The following DDX60 variants were observed in gnomAD, a reference collection of about 807,000 sequenced individuals.
The protein encoded by DDX60 is probable ATP-dependent RNA helicase DDX60.
Under a neutral mutation model 212.8 loss-of-function variants are expected in DDX60, and 165 were observed. The ratio of observed to expected loss-of-function variants is 0.78; its 90% CI spans 0.68 to 0.88. The LOEUF is 0.88. Among genes scored for constraint, DDX60 ranks in the 40% least tolerant of loss-of-function variants. The probability of loss-of-function intolerance (pLI) is 0.00; values close to 1 mark genes in which losing one functional copy is unlikely to be tolerated. For missense variants in DDX60, 1,905 were observed against 2,003.9 expected (o/e 0.95, Z 0.94); for synonymous variants, 703 against 685.3 (o/e 1.03, Z -0.40).
At position 168,237,914 on chromosome 4, in the gene DDX60, G is replaced by GA. The variant is rs1367964307; in HGVS notation, c.4165-120dup. The GA allele has an allele frequency of 1.5e-5, 10 of 678,394 alleles. No homozygotes were observed. The South Asian group carries it at 1.6e-4, about 11-fold the overall frequency. 42.0% of individuals were successfully genotyped at this position (678,394 alleles called of 1,614,324 possible). On this transcript the variant is annotated intron_variant, in intron 30 of 37. Transcript: ENST00000393743. Reference sequence around the variant, plus strand: ...CCACAAAGATATCAGAAATGTATCAGAAAAAATTTGATTTCATATTATTTT... The same window carrying GA: ...CCACAAAGATATCAGAAATGTATCAGAAAAAAATTTGATTTCATATTATTTT...
intron 37 of DDX60, among the ~76,000 whole-genome samples, chr4:168,217,724 G>A (rs1732898917): frequency 6.6e-6 from 1 of 152,122 alleles, no homozygotes; most frequent in Non-Finnish European, 1.5e-5. Flanking sequence ...GAATGATGCA[G>A]TGTGAGTCTA....
In DDX60 at chr4:168,291,647, G is replaced by A. The variant is rs114897701; in HGVS notation, c.1041+101C>T. 2,386 of 1,091,348 alleles carry A rather than the reference G, an allele frequency of 2.2e-3. 28 individuals carry two copies. In the African/African-American group the frequency reaches 0.026, roughly 12 times the overall value. 67.6% of individuals were successfully genotyped at this position (1,091,348 alleles called of 1,614,324 possible). ...CCATTAAACTTTTATAGCCCCCAAG[G>A]GGCTAATAGTAGTCCCACATAAGAG... On this transcript the variant is annotated intron_variant, in intron 8 of 37. Transcript: ENST00000393743.
rs1234021031 is a variant in DDX60, at chr4:168,255,886, T to C, written c.3399-17A>G. The C allele has an allele frequency of 7.0e-6, 11 of 1,567,076 alleles. No individual in the cohort carries two copies. The South Asian group carries it at 1.3e-4, about 19-fold the overall frequency. ...AACTTGAATCTGGAAATAAAAAGAATGTGCGCCTTGAAAATAACATCATAA... is the reference window on the plus strand; with the variant it reads ...AACTTGAATCTGGAAATAAAAAGAACGTGCGCCTTGAAAATAACATCATAA... On this transcript the variant is annotated splice_polypyrimidine_tract_variant and intron_variant, in intron 25 of 37. Coordinates refer to ENST00000393743, the MANE Select transcript of DDX60 (RefSeq NM_017631.6).
At chr4:168,218,346 A>G (rs1464991396) in intron 37 of DDX60, among the ~76,000 whole-genome samples, 1 of 152,118 alleles carries the variant, frequency 6.6e-6, no homozygotes, top group Non-Finnish European at 1.5e-5. Flanking sequence ...TGTTTCCTAT[A>G]CATCCTTAAC....
rs533425472 is a variant in DDX60, at chr4:168,306,494, T to C, written c.491A>G (p.His164Arg). 1.9e-6 allele frequency: 3 copies of C among 1,614,152 alleles called. No homozygotes were observed. Among genetic ancestry groups the C allele is most frequent in the Admixed American group, 3.3e-5 (2 of 60,012 alleles). The stretch of plus-strand genomic sequence containing the variant: ...AACGTTGACCTTCCTTGCCCAAGAA[T>C]GAATGATTAAAAAGTTGAAAAGCTG... ...QTQLFNFLII[H>R]SWARKVNVVL... is the part of the protein sequence containing the mutation. Residue 164 changes from histidine (H) to arginine (R), a missense_variant, in exon 5 of 38, where the codon CAT (histidine) becomes CGT (arginine). Physicochemically the swap from His to Arg is conservative, Grantham distance 29. Coordinates refer to ENST00000393743, the MANE Select transcript of DDX60 (RefSeq NM_017631.6).
intron 1 of DDX60, among the ~76,000 whole-genome samples, chr4:168,313,580 G>A (rs987463448): frequency 6.6e-6 from 1 of 152,136 alleles, no homozygotes; most frequent in Non-Finnish European, 1.5e-5. Flanking sequence ...GGAAAAAAAT[G>A]GGTCAGTGAG....
chr4:168,283,339 T>C (rs1735675477), intron 13 of DDX60, 107 bp downstream of exon 13: 1 of 916,010 alleles, frequency 1.1e-6, no homozygotes, highest in Non-Finnish European at 1.7e-6. Flanking sequence ...CATATAAATA[T>C]CAAGAAAAGG....
chr4:168,311,904 CT>C (rs1456729311), intron 1 of DDX60, among the ~76,000 whole-genome samples: 1 of 152,136 alleles, frequency 6.6e-6, no homozygotes, highest in African/African-American at 2.4e-5. Context: ...TTGTGATTGG[CT>C]TTGCACTTTG....
rs971522662 is a variant in DDX60 at position 168,310,270 on chromosome 4, C to G, written c.74+728G>C. ...GAGTGTCATAAGAACCTTTAAGGCTCATTACACACAGTAATCTATGGAAAG... is the reference window on the plus strand; with the variant it reads ...GAGTGTCATAAGAACCTTTAAGGCTGATTACACACAGTAATCTATGGAAAG... On this transcript the variant is annotated intron_variant, in intron 3 of 37. Coordinates refer to ENST00000393743, the MANE Select transcript of DDX60 (RefSeq NM_017631.6). Among the ~76,000 whole-genome samples the G allele has an allele frequency of 2.0e-5, 3 of 152,046 alleles. No individual in the cohort carries two copies. In the East Asian group the frequency reaches 5.8e-4, roughly 29 times the overall value.
Position 168,287,174 on chromosome 4 carries a change from T to C in DDX60, c.1213A>G (p.Met405Val). 6.2e-7 allele frequency: 1 copy of C among 1,609,834 alleles called. No individual in the cohort carries two copies. The highest frequency in any genetic ancestry group is 2.2e-5 in the East Asian group (1 of 44,616). The stretch of plus-strand genomic sequence containing the variant: ...TTCCAGAGATATTCATAATCTTTCA[T>C]AATGGTATCTCCCAAATTCAAATGT... The part of the protein sequence containing the change: ...GLHLNLGDTI[M>V]KDYEYLWNTV... The change falls in exon 10 of 38, where the codon ATG becomes GTG. Residue 405 changes from methionine (M) to valine (V), a missense_variant. Physicochemically the swap from Met to Val is conservative, Grantham distance 21. Coordinates refer to ENST00000393743, the MANE Select transcript of DDX60 (RefSeq NM_017631.6).
At chr4:168,300,681 T>C (rs1478975526) in intron 6 of DDX60, among the ~76,000 whole-genome samples, 1 of 151,526 alleles carries the variant, frequency 6.6e-6, no homozygotes, top group African/African-American at 2.4e-5. Context: ...AGGAAATAGG[T>C]GGGAGGGACC....
chr4:168,295,516 C>T (rs1216567465), intron 6 of DDX60, among the ~76,000 whole-genome samples: 1 of 152,206 alleles, frequency 6.6e-6, no homozygotes, highest in African/African-American at 2.4e-5. Context: ...CTTCCGATTC[C>T]TGTATGTCAC....
At position 168,246,587 on chromosome 4, in the gene DDX60, T is replaced by A; in HGVS notation, c.3995A>T (p.Asp1332Val). The A allele has an allele frequency of 6.2e-7, 1 of 1,614,052 alleles. No homozygotes were observed. The highest frequency in any genetic ancestry group is 8.5e-7 in the Non-Finnish European group (1 of 1,179,974). The change falls in exon 30 of 38, where the codon GAC becomes GTC. Residue 1332 changes from aspartate (D) to valine (V), a missense_variant. Asp to Val is a radical substitution (Grantham distance 152). Transcript: ENST00000393743. The stretch of plus-strand genomic sequence containing the variant: ...AAAGAAATATACATCTCCCATCAGG[T>A]CTTGACCTCTTCTTCCAGCACGGCC... ...MSGRAGRRGQ[D>V]LMGDVYFFDI...
chr4:168,323,149 C>T (rs1326861646), upstream of DDX60, among the ~76,000 whole-genome samples: 1 of 152,256 alleles, frequency 6.6e-6, no homozygotes, highest in East Asian at 1.9e-4. Flanking sequence ...CCTTATGATA[C>T]AATGCCTTTC....
At chr4:168,268,037 G>T in intron 20 of DDX60, 54 bp from the exon 21 acceptor site, 1 of 1,457,882 alleles carries the variant, frequency 6.9e-7, no homozygotes, top group Non-Finnish European at 9.4e-7. Flanking sequence ...TACTTCCTGT[G>T]AAATTAAGTA....
At chr4:168,316,843 A>T (rs1283966277) in intron 1 of DDX60, among the ~76,000 whole-genome samples, 1 of 152,010 alleles carries the variant, frequency 6.6e-6, no homozygotes, top group Middle Eastern at 3.2e-3. Context: ...AGATCACCTG[A>T]GGTCGGGAGT....
intron 12 of DDX60, among the ~76,000 whole-genome samples, chr4:168,284,304 G>A (rs1735724366): frequency 2.0e-5 from 3 of 152,126 alleles, no homozygotes; most frequent in Admixed American, 6.6e-5. Flanking sequence ...AGTAAGTTTT[G>A]TCAACTCTAA....
Position 168,237,288 on chromosome 4 carries a change from T to C in DDX60, c.4409A>G (p.Lys1470Arg), listed in dbSNP as rs375550836. The C allele has an allele frequency of 7.8e-6, 12 of 1,541,416 alleles. No individual in the cohort carries two copies. In the African/African-American group the frequency reaches 1.2e-4, roughly 16 times the overall value. The change falls in exon 32 of 38, where the codon AAA becomes AGA. Residue 1470 changes from lysine to arginine, a missense_variant and splice_region_variant. Coordinates refer to ENST00000393743, the MANE Select transcript of DDX60 (RefSeq NM_017631.6). ...LFHDLCQPTR[K>R]GSKHFSQDVM... ...TATATATAAAATCTCAAGCTTACCTTTCCTGGTTGGCTGACAGAGATCATG... is the reference window on the plus strand; with the variant it reads ...TATATATAAAATCTCAAGCTTACCTCTCCTGGTTGGCTGACAGAGATCATG...
Position 168,220,982 on chromosome 4 carries a change from T to C in DDX60, c.4977-265A>G, listed in dbSNP as rs143961411. Among the ~76,000 whole-genome samples the C allele has an allele frequency of 3.8e-3, 583 of 151,944 alleles. 4 individuals carry two copies. The highest frequency in any genetic ancestry group is 5.8e-3 in the Non-Finnish European group (393 of 67,904). On this transcript the variant is annotated intron_variant, in intron 36 of 37. Coordinates refer to ENST00000393743, the MANE Select transcript of DDX60 (RefSeq NM_017631.6). The stretch of plus-strand genomic sequence containing the variant: ...TCAGGAGATAACCAAAACAGGAAAA[T>C]AAAGCTCAGGAGGGTAAATTGGAAC...
Sources: gnomAD v4.1 joint callset for allele counts (sites outside exome capture counted in the v4.1 genomes callset) on GRCh38, gnomAD v4.1.1 for gene constraint, MANE v1.5 for transcripts, NCBI Gene and HGNC (gene_info 2026-07-23, HGNC 2026-07-21) for gene names.